SLC9A9: variants seen among roughly 807,000 people sequenced by gnomAD.
The protein encoded by SLC9A9 is solute carrier family 9 member A9, also known as sodium/hydrogen exchanger 9.
SLC9A9 carries 62 observed loss-of-function variants against 77.8 expected under a neutral mutation model. The observed-to-expected ratio is 0.80, with a 90% confidence interval of 0.65 to 0.98. The LOEUF is 0.98. Ranked by LOEUF, SLC9A9 falls within the 50% of genes least tolerant of loss-of-function variation. The probability of loss-of-function intolerance (pLI) is 0.00; values close to 1 mark genes in which losing one functional copy is unlikely to be tolerated. For missense variants in SLC9A9, 775 were observed against 774.9 expected, an observed-to-expected ratio of 1.00 and a Z score of 0.00; for synonymous variants, 320 against 283.5, an observed-to-expected ratio of 1.13 and a Z score of -1.29.
chr3:143,476,787 C>T (rs2035485657), intron 11 of SLC9A9, among the ~76,000 whole-genome samples: 1 of 152,122 alleles, frequency 6.6e-6, no homozygotes, highest in Non-Finnish European at 1.5e-5. Context: ...GGAGATAGTT[C>T]TCATTGTCCA....
At chr3:143,557,115 C>A (rs561629464) in intron 8 of SLC9A9, among the ~76,000 whole-genome samples, 1 of 152,066 alleles carries the variant, frequency 6.6e-6, no homozygotes, top group Admixed American at 6.6e-5. Context: ...GGGTAGTTTC[C>A]CCCATGCTGT....
At chr3:143,425,242 T>C (rs2034381373) in intron 12 of SLC9A9, among the ~76,000 whole-genome samples, 1 of 150,678 alleles carries the variant, frequency 6.6e-6, no homozygotes, top group African/African-American at 2.4e-5. Context: ...TTAGTTTTGA[T>C]GTGGGGACCA....
chr3:143,432,906 A>T (rs1413107841), intron 12 of SLC9A9, among the ~76,000 whole-genome samples: 1 of 152,240 alleles, frequency 6.6e-6, no homozygotes, highest in African/African-American at 2.4e-5. Context: ...GATTACAGGC[A>T]TAAGCTACTG....
intron 9 of SLC9A9, among the ~76,000 whole-genome samples, chr3:143,548,137 A>AT (rs2036819250): frequency 6.6e-6 from 1 of 152,194 alleles, no homozygotes; most frequent in African/African-American, 2.4e-5. Context: ...GTTGGAAATA[A>AT]TTTTTGGTGC....
At chr3:143,317,917 C>CG (rs1228582189) in intron 14 of SLC9A9, among the ~76,000 whole-genome samples, 1 of 152,052 alleles carries the variant, frequency 6.6e-6, no homozygotes, top group Non-Finnish European at 1.5e-5. Context: ...TTAGTAGAGA[C>CG]GGGGTTTCAC....
intron 12 of SLC9A9, among the ~76,000 whole-genome samples, chr3:143,391,468 C>T (rs2033563754): frequency 1.3e-5 from 2 of 152,158 alleles, no homozygotes; most frequent in African/African-American, 2.4e-5. Flanking sequence ...CATCATCAAA[C>T]ACCAAAGGTA....
intron 14 of SLC9A9, among the ~76,000 whole-genome samples, chr3:143,354,582 C>T (rs1019823921): frequency 1.3e-5 from 2 of 152,170 alleles, no homozygotes. Flanking sequence ...TCTGGTAGCT[C>T]ATGAGCTTGT....
chr3:143,765,033 CTT>C (rs1001868838), intron 4 of SLC9A9, among the ~76,000 whole-genome samples: 7 of 148,142 alleles, frequency 4.7e-5, no homozygotes, highest in African/African-American at 7.7e-5. Context: ...TTCTTTCTCT[CTT>C]TCTCTTTCTT....
At chr3:143,787,804 A>T (rs979084620) in intron 4 of SLC9A9, among the ~76,000 whole-genome samples, 2 of 151,792 alleles carry the variant, frequency 1.3e-5, no homozygotes, top group African/African-American at 4.8e-5. Flanking sequence ...AATACTTAGA[A>T]ATAGTTATAA....
intron 5 of SLC9A9, among the ~76,000 whole-genome samples, chr3:143,676,064 T>G (rs1465718959): frequency 6.6e-6 from 1 of 152,086 alleles, no homozygotes; most frequent in African/African-American, 2.4e-5. Flanking sequence ...AGGCATTAGA[T>G]TCTCATGAGG....
At chr3:143,540,981 G>A (rs762257706) in intron 9 of SLC9A9, among the ~76,000 whole-genome samples, 47 of 152,128 alleles carry the variant, frequency 3.1e-4, no homozygotes, top group Non-Finnish European at 6.2e-4. Flanking sequence ...AACCATATAC[G>A]AAATTAAAAG....
intron 12 of SLC9A9, among the ~76,000 whole-genome samples, chr3:143,400,967 TTTTTAATA>T (rs2033842481): frequency 6.6e-6 from 1 of 152,104 alleles, no homozygotes; most frequent in Admixed American, 6.5e-5. Context: ...TTTGCAATTG[TTTTTAATA>T]TTTTACCCTT....
intron 4 of SLC9A9, among the ~76,000 whole-genome samples, chr3:143,768,712 G>C (rs1330407824): frequency 2.6e-5 from 4 of 152,180 alleles, no homozygotes. Context: ...AGTGTTCTGT[G>C]CATGTGTCTT....
intron 2 of SLC9A9, among the ~76,000 whole-genome samples, chr3:143,804,644 T>C (rs1357559582): frequency 6.6e-6 from 1 of 152,162 alleles, no homozygotes; most frequent in Non-Finnish European, 1.5e-5. Flanking sequence ...TGCTCACTAG[T>C]TTTCCTTACT....
intron 2 of SLC9A9, among the ~76,000 whole-genome samples, chr3:143,825,116 A>G (rs2009265803): frequency 6.6e-6 from 1 of 152,170 alleles, no homozygotes; most frequent in South Asian, 2.1e-4. Flanking sequence ...ATTTATCATC[A>G]TGAAGCTTGC....
intron 14 of SLC9A9, among the ~76,000 whole-genome samples, chr3:143,300,335 TG>T (rs747060992): frequency 1.3e-5 from 2 of 152,240 alleles, no homozygotes; most frequent in Non-Finnish European, 2.9e-5. Context: ...TCTTATTAGC[TG>T]TTTTTATTTC....
chr3:143,797,288 C>T (rs1003424497), intron 2 of SLC9A9, among the ~76,000 whole-genome samples: 8 of 151,842 alleles, frequency 5.3e-5, no homozygotes, highest in Admixed American at 3.3e-4. Context: ...CCTATTTTGT[C>T]CCATTCCAAA....
chr3:143,630,842 A>G lies in SLC9A9; in HGVS notation c.755+21413T>C, dbSNP rs556509984. ...ATAGCTTAAAACAAAATCTGGTAGG[A>G]TGATTAAAATATAATTAATAATTCA... On this transcript the variant is annotated intron_variant, in intron 6 of 15. Coordinates refer to ENST00000316549, the MANE Select transcript of SLC9A9 (RefSeq NM_173653.4). 3.3e-5 allele frequency among the ~76,000 whole-genome samples: 5 copies of G among 152,302 alleles called. No individual in the cohort carries two copies. In the South Asian group the frequency reaches 1.0e-3, roughly 32 times the overall value.
intron 6 of SLC9A9, among the ~76,000 whole-genome samples, chr3:143,592,233 G>A (rs144345674): frequency 3.0e-4 from 46 of 152,310 alleles, no homozygotes; most frequent in African/African-American, 1.1e-3. Context: ...CATGAAACAA[G>A]AGGACCTTGG....
Sources: allele counts gnomAD v4.1 joint callset (sites outside exome capture counted in the v4.1 genomes callset), GRCh38; gene constraint gnomAD v4.1.1; transcripts MANE v1.5; gene names NCBI Gene and HGNC (gene_info 2026-07-23, HGNC 2026-07-21).